Variants in INPP4A observed in about 807,000 individuals in gnomAD.
The protein encoded by INPP4A is inositol polyphosphate-4-phosphatase type I A.
Under a neutral mutation model 119.8 loss-of-function variants are expected in INPP4A, and 33 were observed. The ratio of observed to expected loss-of-function variants is 0.28; its 90% CI spans 0.21 to 0.37. The LOEUF (loss-of-function observed/expected upper bound fraction) is 0.37, where lower values mean the gene tolerates loss of function less well. Among genes scored for constraint, INPP4A ranks in the 10% least tolerant of loss-of-function variants. The probability of loss-of-function intolerance (pLI) is 1.00; values close to 1 mark genes in which losing one functional copy is unlikely to be tolerated. For missense variants in INPP4A, 956 were observed against 1,289.9 expected (o/e 0.74, Z 3.97); for synonymous variants, 496 against 500.7 (o/e 0.99, Z 0.12).
intron 1 of INPP4A, among the ~76,000 whole-genome samples, chr2:98,454,575 C>T (rs939421493): frequency 6.6e-6 from 1 of 152,142 alleles, no homozygotes; most frequent in African/African-American, 2.4e-5. Context: ...TCGACCCCTG[C>T]TCCACTTGAC....
chr2:98,526,978 A>G (rs915867905), intron 4 of INPP4A, among the ~76,000 whole-genome samples: 3 of 152,022 alleles, frequency 2.0e-5, no homozygotes, highest in African/African-American at 4.8e-5. Context: ...TTTGTCCCCC[A>G]TTATCCAAAT....
intron 1 of INPP4A, among the ~76,000 whole-genome samples, chr2:98,463,304 C>T (rs1366661698): frequency 6.6e-6 from 1 of 152,214 alleles, no homozygotes; most frequent in Non-Finnish European, 1.5e-5. Flanking sequence ...CTGCAGGGAC[C>T]TTAATGACAG....
rs1271631168 is a variant in INPP4A at position 98,588,775 on chromosome 2, G to C, written c.*1167G>C. The C allele has an allele frequency of 4.5e-6, 1 of 222,346 alleles. No homozygotes were observed. Among genetic ancestry groups the C allele is most frequent in the Non-Finnish European group, 9.0e-6 (1 of 111,382 alleles). 13.8% of individuals were successfully genotyped at this position (222,346 alleles called of 1,614,324 possible). Reference sequence around the variant, plus strand: ...TGATGAGTCTTATCTGCACATAGCAGAGTTTGTTTCTTAGGAGTTTATATG... The same window carrying C: ...TGATGAGTCTTATCTGCACATAGCACAGTTTGTTTCTTAGGAGTTTATATG... On this transcript the variant is annotated 3_prime_UTR_variant, in exon 25 of 25. Coordinates refer to ENST00000409851, the MANE Select transcript of INPP4A (RefSeq NM_001134225.2).
chr2:98,522,344 G>T (rs757954864), intron 4 of INPP4A, among the ~76,000 whole-genome samples: 10 of 149,688 alleles, frequency 6.7e-5, no homozygotes, highest in Non-Finnish European at 1.3e-4. Context: ...AGAAAAGATA[G>T]TATATCTATA....
chr2:98,447,834 T>G (rs889730427), intron 1 of INPP4A, among the ~76,000 whole-genome samples: 3 of 151,906 alleles, frequency 2.0e-5, no homozygotes, highest in Admixed American at 6.6e-5. Flanking sequence ...GATCACAAGA[T>G]CAGGAGATCG....
chr2:98,486,553 C>T (rs549254446), intron 1 of INPP4A, among the ~76,000 whole-genome samples: 9 of 152,252 alleles, frequency 5.9e-5, no homozygotes, highest in Non-Finnish European at 1.3e-4. Context: ...GGCAGAAGTT[C>T]CTCAGTTGCC....
intron 1 of INPP4A, among the ~76,000 whole-genome samples, chr2:98,516,553 C>G (rs1010735473): frequency 3.3e-5 from 5 of 152,128 alleles, no homozygotes; most frequent in African/African-American, 1.2e-4. Flanking sequence ...ATGTGTCCCT[C>G]TGTTAGGTGG....
At chr2:98,484,552 A>T (rs919571495) in intron 1 of INPP4A, among the ~76,000 whole-genome samples, 2 of 152,150 alleles carry the variant, frequency 1.3e-5, no homozygotes, top group African/African-American at 4.8e-5. Flanking sequence ...AGATGAATTC[A>T]GCCCCAGAGA....
chr2:98,500,224 G>C (rs1351671135), intron 1 of INPP4A, among the ~76,000 whole-genome samples: 1 of 152,128 alleles, frequency 6.6e-6, no homozygotes, highest in Non-Finnish European at 1.5e-5. Context: ...AACTTCTAAG[G>C]TGGGAATATT....
At chr2:98,556,369 T>A (rs1404870694) in intron 16 of INPP4A, among the ~76,000 whole-genome samples, 2 of 152,206 alleles carry the variant, frequency 1.3e-5, no homozygotes. Context: ...CTTCTGGTGG[T>A]CTGAGTCAGG....
intron 1 of INPP4A, among the ~76,000 whole-genome samples, chr2:98,513,468 CACTCACTCACTCACTT>C (rs1341480200): frequency 6.6e-6 from 1 of 152,268 alleles, no homozygotes. Context: ...TTCACTCACT[CACTCACTCACTCACTT>C]ACTCACTCAT....
rs1695685129 is a variant in INPP4A at position 98,454,152 on chromosome 2, AGGTGGAT to A, written c.-166+9068_-166+9074del. Among the ~76,000 whole-genome samples the A allele has an allele frequency of 2.0e-5, 3 of 152,200 alleles. No individual in the cohort carries two copies. The South Asian group carries it at 6.2e-4, about 31-fold the overall frequency. Reference sequence around the variant, plus strand: ...ATGCCAGATGGGTCCTTTACCTAACAGGTGGATCAGCATATTTCTACATAAGAGAGAG... The same window carrying A: ...ATGCCAGATGGGTCCTTTACCTAACACAGCATATTTCTACATAAGAGAGAG... On this transcript the variant is annotated intron_variant, in intron 1 of 24. Transcript: ENST00000409851.
intron 1 of INPP4A, among the ~76,000 whole-genome samples, chr2:98,473,104 C>G (rs1481440354): frequency 1.4e-5 from 2 of 140,314 alleles, no homozygotes; most frequent in African/African-American, 2.7e-5. Flanking sequence ...AGTGCGGGTG[C>G]AGTGTAGAGT....
chr2:98,533,306 G>A (rs967405308), intron 4 of INPP4A, 71 bp from the exon 5 acceptor site: 7 of 897,182 alleles, frequency 7.8e-6, no homozygotes, highest in Non-Finnish European at 1.3e-5. Flanking sequence ...TTCTTTGAAT[G>A]TGTTTGGAAC....
intron 4 of INPP4A, among the ~76,000 whole-genome samples, chr2:98,524,182 AT>A: frequency 1.3e-5 from 2 of 152,340 alleles, no homozygotes; most frequent in Middle Eastern, 6.8e-3. Flanking sequence ...CATGTTGCTG[AT>A]TATTTCCTTA....
At chr2:98,552,731 G>A in intron 13 of INPP4A, 55 bp from the exon 14 acceptor site, 1 of 1,406,212 alleles carries the variant, frequency 7.1e-7, no homozygotes, top group Non-Finnish European at 1.0e-6. Context: ...GAATGATGCT[G>A]TCATCCTTTT....
intron 1 of INPP4A, among the ~76,000 whole-genome samples, chr2:98,502,065 T>G (rs1046290452): frequency 4.6e-5 from 7 of 152,242 alleles, no homozygotes; most frequent in African/African-American, 1.4e-4. Flanking sequence ...TGTTCACACC[T>G]TCCTAGTGGG....
chr2:98,473,784 A>G (rs910906095), intron 1 of INPP4A, among the ~76,000 whole-genome samples: 2 of 152,180 alleles, frequency 1.3e-5, no homozygotes, highest in Non-Finnish European at 2.9e-5. Context: ...TCACCAGGTG[A>G]TTGCATGAAA....
intron 1 of INPP4A, among the ~76,000 whole-genome samples, chr2:98,514,254 G>A (rs1478385814): frequency 6.6e-6 from 1 of 152,202 alleles, no homozygotes; most frequent in Non-Finnish European, 1.5e-5. Flanking sequence ...TGTTCAGGGT[G>A]TTCTGAGCCC....
Sources: gnomAD v4.1 joint callset for allele counts (sites outside exome capture counted in the v4.1 genomes callset) on GRCh38, gnomAD v4.1.1 for gene constraint, MANE v1.5 for transcripts, NCBI Gene and HGNC (gene_info 2026-07-23, HGNC 2026-07-21) for gene names.